Variants in TMEM176A observed in about 807,000 individuals in gnomAD.
TMEM176A encodes transmembrane protein 176A, also known as hepatocellular carcinoma-associated antigen 112.
In TMEM176A, 20 loss-of-function variants were observed where a neutral mutation model predicts 27.9. That is an observed-to-expected ratio of 0.72 (90% confidence interval 0.50 to 1.04). The LOEUF is 1.04. TMEM176A is among the 50% of genes least tolerant of loss of function. TMEM176A has a pLI of 0.00. For synonymous variants in TMEM176A, 125 were observed against 118.0 expected (o/e 1.06, Z -0.38); for missense variants, 252 against 289.1 (o/e 0.87, Z 0.93).
intron 2 of TMEM176A, 136 bp from the exon 3 acceptor site, chr7:150,802,079 C>CTCTTCTCTTT: frequency 4.8e-6 from 3 of 629,642 alleles, no homozygotes; most frequent in South Asian, 2.1e-5. Context: ...TTCTCCTTTT[C>CTCTTCTCTTT]TCTTCTCTTC....
chr7:150,804,639 CT>C, intron 6 of TMEM176A, 167 bp downstream of exon 6: 1 of 856,808 alleles, frequency 1.2e-6, no homozygotes, highest in Admixed American at 2.3e-5. Flanking sequence ...CAGAAAGCCC[CT>C]ATCCCCAACC....
chr7:150,801,751 G>C (rs1033765375), intron 2 of TMEM176A, 27 bp downstream of exon 2: 1 of 1,469,460 alleles, frequency 6.8e-7, no homozygotes, highest in Non-Finnish European at 8.9e-7. Flanking sequence ...GCCTCGTCGG[G>C]CGGCGGGAGG....
Position 150,803,341 on chromosome 7 carries a change from C to T in TMEM176A, c.286-59C>T, listed in dbSNP as rs1264383241. 4.6e-5 allele frequency: 69 copies of T among 1,513,462 alleles called. 1 individual carries two copies. The highest frequency in any genetic ancestry group is 3.6e-4 in the Middle Eastern group (2 of 5,616). The allele number at this position is 1,513,462 out of a possible 1,614,324, so 93.8% of individuals were successfully genotyped here. A position where few individuals can be genotyped will look rare whatever the true frequency, so the allele number is the denominator to read the frequency against. On this transcript the variant is annotated intron_variant, in intron 3 of 6. Coordinates refer to ENST00000004103, the MANE Select transcript of TMEM176A (RefSeq NM_018487.3). ...GGAAGGGCCTGCATGGAGGCTCTCT[C>T]GTGGGAGAGGAGTTGCATTTCCTGT...
chr7:150,803,869 G>A (rs748037956), intron 5 of TMEM176A, 37 bp downstream of exon 5: 26 of 1,602,394 alleles, frequency 1.6e-5, no homozygotes, highest in Non-Finnish European at 2.0e-5. Context: ...AGCAGGTGGG[G>A]CAGGGATGGC....
intron 1 of TMEM176A, 156 bp from the exon 2 acceptor site, chr7:150,801,380 T>TG: frequency 1.5e-6 from 1 of 675,442 alleles, no homozygotes; most frequent in Non-Finnish European, 2.4e-6. Flanking sequence ...GCTACACACA[T>TG]TCCCCTCGTG....
At chr7:150,800,978 C>T in intron 1 of TMEM176A, 150 bp downstream of exon 1, 1 of 985,774 alleles carries the variant, frequency 1.0e-6, no homozygotes, top group Non-Finnish European at 1.2e-6. Flanking sequence ...GGTGCGGCCC[C>T]GGCTTTTGAC....
At position 150,803,445 on chromosome 7, in the gene TMEM176A, G is replaced by A. The variant is rs1321936302; in HGVS notation, c.331G>A (p.Gly111Ser). The change falls in exon 4 of 7, where the codon GGT becomes AGT. Residue 111 changes from glycine to serine, a missense_variant. By Grantham distance (56) the Gly-to-Ser change is moderately conservative. Coordinates refer to ENST00000004103, the MANE Select transcript of TMEM176A (RefSeq NM_018487.3). Reference sequence around the variant, plus strand: ...TGCCTTCATTTACGAGAAACGGGGTGGTACATACTGGGTAAGTTCAGGGAA... The same window carrying A: ...TGCCTTCATTTACGAGAAACGGGGTAGTACATACTGGGTAAGTTCAGGGAA... Reference protein sequence around the residue: ...AAAFIYEKRGGTYWALLRTLL... With the variant: ...AAAFIYEKRGSTYWALLRTLL... The A allele has an allele frequency of 5.6e-6, 9 of 1,596,154 alleles. No homozygotes were observed. The South Asian group carries it at 9.2e-5, about 16-fold the overall frequency.
In TMEM176A at chr7:150,804,398, G is replaced by A; in HGVS notation, c.592G>A (p.Val198Ile). 1 of 1,614,216 alleles carries A rather than the reference G, an allele frequency of 6.2e-7. No individual in the cohort carries two copies. The highest frequency in any genetic ancestry group is 1.1e-5 in the South Asian group (1 of 91,076). ...AACCCTTCAGGCCATGCTCTTGGGT[G>A]TCTGGATTCTGCTGCTTCTGGCATC... ...FRTLQAMLLG[V>I]WILLLLASLT... Residue 198 changes from valine (V) to isoleucine (I), a missense_variant, in exon 6 of 7, where the codon GTC becomes ATC. Val to Ile is a conservative substitution (Grantham distance 29). Transcript: ENST00000004103.
rs1798792813 is a variant in TMEM176A at position 150,801,665 on chromosome 7, GC to G, written c.116del (p.Ala39GlyfsTer21). 1 of 1,611,296 alleles carries G rather than the reference GC, an allele frequency of 6.2e-7. No individual in the cohort carries two copies. The highest frequency in any genetic ancestry group is 8.5e-7 in the Non-Finnish European group (1 of 1,179,270). On this transcript the variant is annotated frameshift_variant, in exon 2 of 7. Transcript: ENST00000004103. LOFTEE classifies it high-confidence loss of function. ...LAKLLLTCCS[A>X]LRPRATQARG... ...CAAGCTCCTGCTCACCTGCTGCTCT[GC>G]GCTGCGGCCCCGGGCCACCCAGGCC...
In TMEM176A at chr7:150,802,574, C is replaced by A. The variant is rs909446420; in HGVS notation, c.285+249C>A. On this transcript the variant is annotated intron_variant, in intron 3 of 6. Transcript: ENST00000004103. ...CAGGCTGGCTGCCTCTCCCTGCCTT[C>A]AACAGTTAATGTCAACTAAGGATCT... 19 of 780,922 alleles carry A rather than the reference C, an allele frequency of 2.4e-5. No homozygotes were observed. The Admixed American group carries it at 5.2e-4, about 21-fold the overall frequency. The allele number at this position is 780,922 out of a possible 1,614,324, so 48.4% of individuals were successfully genotyped here.
chr7:150,801,310 A>T, intron 1 of TMEM176A: 1 of 480,748 alleles, frequency 2.1e-6, no homozygotes, highest in Non-Finnish European at 3.6e-6. Flanking sequence ...CTTGGGCGAA[A>T]GGGGAGGTTC....
intron 2 of TMEM176A, 150 bp downstream of exon 2, chr7:150,801,874 G>A: frequency 1.2e-6 from 1 of 855,756 alleles, no homozygotes; most frequent in Non-Finnish European, 1.7e-6. Flanking sequence ...TTCTCAGTAA[G>A]AGCCTGGGGA....
At chr7:150,804,133 A>G (rs1399917822) in intron 5 of TMEM176A, among the ~76,000 whole-genome samples, 4 of 152,254 alleles carry the variant, frequency 2.6e-5, no homozygotes, top group Admixed American at 6.5e-5. Flanking sequence ...GGAGGTTATC[A>G]GGGAATCAAA....
chr7:150,803,771 C>A lies in TMEM176A; in HGVS notation c.494C>A (p.Thr165Asn). The change falls in exon 5 of 7, where the codon ACT (threonine) becomes AAT (asparagine). Residue 165 changes from threonine to asparagine, a missense_variant. Transcript: ENST00000004103. Reference sequence around the variant, plus strand: ...AGTGACTGGAACACTCCAGCCCCCACTCAGAGTCCAGAAGAAGTCAGAAGG... The same window carrying A: ...AGTGACTGGAACACTCCAGCCCCCAATCAGAGTCCAGAAGAAGTCAGAAGG... ...SSSDWNTPAP[T>N]QSPEEVRRLH... 1 of 1,614,194 alleles carries A rather than the reference C, an allele frequency of 6.2e-7. No homozygotes were observed. Among genetic ancestry groups the A allele is most frequent in the Non-Finnish European group, 8.5e-7 (1 of 1,180,034 alleles).
chr7:150,801,115 G>A (rs1000385570), intron 1 of TMEM176A: 21 of 431,762 alleles, frequency 4.9e-5, no homozygotes, highest in African/African-American at 1.9e-4. Flanking sequence ...GCGCAGCCGG[G>A]GCGCAGCTGC....
chr7:150,803,616 C>T lies in TMEM176A; in HGVS notation c.343-4C>T. The stretch of plus-strand genomic sequence containing the variant: ...AGATTTCTCTCTGCCTCCTCCCTCC[C>T]CAGGCCCTGCTGAGGACTCTGCTAA... On this transcript the variant is annotated splice_polypyrimidine_tract_variant and splice_region_variant and intron_variant, in intron 4 of 6. Coordinates refer to ENST00000004103, the MANE Select transcript of TMEM176A (RefSeq NM_018487.3). 6.2e-7 allele frequency: 1 copy of T among 1,613,688 alleles called. No homozygotes were observed. Among genetic ancestry groups the T allele is most frequent in the Non-Finnish European group, 8.5e-7 (1 of 1,179,826 alleles).
intron 3 of TMEM176A, chr7:150,802,781 C>T (rs1798842922): frequency 7.0e-6 from 7 of 995,420 alleles, no homozygotes; most frequent in South Asian, 9.2e-5. Context: ...TGCACAGGAG[C>T]TGGGTAGGCT....
intron 6 of TMEM176A, 28 bp from the exon 7 acceptor site, chr7:150,804,799 G>A (rs369679424): frequency 2.7e-5 from 44 of 1,613,862 alleles, no homozygotes; most frequent in South Asian, 4.4e-5. Context: ...TCCCACTCAC[G>A]ATTGTCTTGC....
chr7:150,803,951 G>T, intron 5 of TMEM176A, 119 bp downstream of exon 5: 2 of 860,960 alleles, frequency 2.3e-6, no homozygotes, highest in Non-Finnish European at 3.6e-6. Flanking sequence ...CCAAGCTTGC[G>T]TATTGTCACC....
Sources: allele counts gnomAD v4.1 joint callset (sites outside exome capture counted in the v4.1 genomes callset), GRCh38; gene constraint gnomAD v4.1.1; transcripts MANE v1.5; gene names NCBI Gene and HGNC (gene_info 2026-07-23, HGNC 2026-07-21).